The following MYBPC1 variants were observed in gnomAD, a reference collection of about 807,000 sequenced individuals.
MYBPC1 encodes the protein myosin binding protein C1, also known as myosin-binding protein C, slow-type.
MYBPC1 carries 52 observed loss-of-function variants against 147.1 expected under a neutral mutation model. That is an observed-to-expected ratio of 0.35 (90% CI 0.28 to 0.45). The LOEUF is 0.45. Ranked by LOEUF, MYBPC1 falls within the 20% of genes least tolerant of loss-of-function variation. MYBPC1 has a pLI of 1.00. For missense variants in MYBPC1, 1,228 were observed against 1,440.3 expected (o/e 0.85, Z 2.39); for synonymous variants, 477 against 475.9 (o/e 1.00, Z -0.03).
intron 20 of MYBPC1, among the ~76,000 whole-genome samples, chr12:101,661,916 G>GAAAGAAAGAAAGA (rs34570818): frequency 0.71 from 88,057 of 124,544 alleles, 31,933 homozygotes; most frequent in Admixed American, 0.82. Flanking sequence ...AAAAAAAAAA[G>GAAAGAAAGAAAGA]AAAGAAAAAA....
chr12:101,686,296 G>A (rs1466431690), downstream of MYBPC1, among the ~76,000 whole-genome samples: 1 of 152,228 alleles, frequency 6.6e-6, no homozygotes, highest in African/African-American at 2.4e-5. Context: ...ACACAAAACT[G>A]AGGCTAAAGG....
intron 3 of MYBPC1, among the ~76,000 whole-genome samples, chr12:101,618,919 A>C (rs1337140613): frequency 1.4e-5 from 2 of 146,782 alleles, no homozygotes; most frequent in Admixed American, 1.4e-4. Context: ...TATAATGGCA[A>C]ATACATGTAT....
At chr12:101,611,569 G>GT (rs1884280144) in intron 1 of MYBPC1, among the ~76,000 whole-genome samples, 1 of 152,144 alleles carries the variant, frequency 6.6e-6, no homozygotes, top group Admixed American at 6.5e-5. Context: ...TAATTCTTTT[G>GT]TATCAATTCT....
Position 101,673,480 on chromosome 12 carries a change from G to A in MYBPC1, c.2667G>A (p.Lys889=). Residue 889 remains lysine (K), a synonymous_variant, in exon 25 of 32, where the codon AAG becomes AAA. Transcript: ENST00000361466. ...TWKKDGAEID[K]NQINIRNSET... is the part of the protein sequence containing the mutation. ...AGAAGGATGGTGCAGAAATTGATAA[G>A]AATCAAATAAACATTCGCAACTCTG... is the stretch of plus-strand genomic sequence containing the variant. 6.2e-7 allele frequency: 1 copy of A among 1,613,786 alleles called. No individual in the cohort carries two copies. Among genetic ancestry groups the A allele is most frequent in the Non-Finnish European group, 8.5e-7 (1 of 1,179,978 alleles).
In MYBPC1 at chr12:101,659,554, T is replaced by C. The variant is rs1408226793; in HGVS notation, c.1768-118T>C. 1.3e-5 allele frequency: 14 copies of C among 1,053,768 alleles called. 1 individual carries two copies. In the Admixed American group the frequency reaches 2.6e-4, roughly 20 times the overall value. The allele number at this position is 1,053,768 out of a possible 1,614,324, so 65.3% of individuals were successfully genotyped here. A position where few individuals can be genotyped will look rare whatever the true frequency, so the allele number is the denominator to read the frequency against. On this transcript the variant is annotated intron_variant, in intron 18 of 31. Transcript: ENST00000361466. Reference sequence around the variant, plus strand: ...ACACTATATAGTCCACCAAATACACTATATAATCTATACACTATACACTCT... The same window carrying C: ...ACACTATATAGTCCACCAAATACACCATATAATCTATACACTATACACTCT...
intron 1 of MYBPC1, chr12:101,600,603 A>C (rs1879514255): frequency 6.6e-6 from 1 of 152,204 alleles, no homozygotes. Context: ...AGTCCAAGGA[A>C]GCATTTTTGT....
rs1387793716 is a variant in MYBPC1, at chr12:101,684,398, AT to A, written c.3514del (p.Ter1172GlufsTer24). On this transcript the variant is annotated frameshift_variant, in exon 31 of 32. Coordinates refer to ENST00000361466, the MANE Select transcript of MYBPC1 (RefSeq NM_002465.4). LOFTEE classifies it high-confidence loss of function. ...TTTCCTTAGTCATTGCACAATAAGG[AT>A]TTTTGAATGTATAATATCATCTAAG... ...EGQQQSLHNK[D>X]F The A allele has an allele frequency of 2.5e-6, 4 of 1,589,060 alleles. No homozygotes were observed. Among genetic ancestry groups the A allele is most frequent in the Non-Finnish European group, 3.4e-6 (4 of 1,165,260 alleles).
rs78173516 is a variant in MYBPC1, at chr12:101,594,978, C to A, written c.-93C>A. 1 of 1,236,870 alleles carries A rather than the reference C, an allele frequency of 8.1e-7. No homozygotes were observed. The highest frequency in any genetic ancestry group is 1.2e-6 in the Non-Finnish European group (1 of 848,914). 76.6% of individuals were successfully genotyped at this position (1,236,870 alleles called of 1,614,324 possible). A position where few individuals can be genotyped will look rare whatever the true frequency, so the allele number is the denominator to read the frequency against. On this transcript the variant is annotated 5_prime_UTR_variant, in exon 1 of 32. Coordinates refer to ENST00000361466, the MANE Select transcript of MYBPC1 (RefSeq NM_002465.4). ...GTTTCTCCCCAACTGCTTGTCACAC[C>A]GACCTGCACCATCTCTCGCCTGCCT...
intron 24 of MYBPC1, among the ~76,000 whole-genome samples, chr12:101,671,327 A>ACACACACT (rs1555252574): frequency 1.4e-4 from 14 of 103,326 alleles, no homozygotes; most frequent in South Asian, 6.8e-4. Flanking sequence ...ACACACACAC[A>ACACACACT]CACACACACA....
At chr12:101,643,423 A>G (rs1892464746) in intron 11 of MYBPC1, among the ~76,000 whole-genome samples, 1 of 152,184 alleles carries the variant, frequency 6.6e-6, no homozygotes, top group Non-Finnish European at 1.5e-5. Flanking sequence ...GAGCCAGCTG[A>G]CATCTCTTTT....
chr12:101,601,972 A>G (rs767532294), intron 1 of MYBPC1, among the ~76,000 whole-genome samples: 7 of 152,194 alleles, frequency 4.6e-5, no homozygotes, highest in African/African-American at 7.2e-5. Context: ...TGCACACAGT[A>G]TGTGTCTTGG....
chr12:101,609,584 C>A (rs1212092673), intron 1 of MYBPC1, among the ~76,000 whole-genome samples: 3 of 152,134 alleles, frequency 2.0e-5, no homozygotes, highest in Non-Finnish European at 2.9e-5. Flanking sequence ...ATGAACCCTA[C>A]TGCTGCAGAC....
intron 20 of MYBPC1, 148 bp downstream of exon 20, chr12:101,661,410 T>C: frequency 1.6e-6 from 1 of 637,656 alleles, no homozygotes; most frequent in Non-Finnish European, 2.9e-6. Context: ...ATATATATGT[T>C]GAGATGCTCT....
At chr12:101,618,805 A>G (rs1382677877) in intron 3 of MYBPC1, among the ~76,000 whole-genome samples, 1 of 151,942 alleles carries the variant, frequency 6.6e-6, no homozygotes, top group Non-Finnish European at 1.5e-5. Context: ...TGCAGAAGAT[A>G]AGCAAAACCA....
At chr12:101,647,983 C>T in intron 13 of MYBPC1, 62 bp from the exon 14 acceptor site, 1 of 1,348,426 alleles carries the variant, frequency 7.4e-7, no homozygotes, top group Non-Finnish European at 1.1e-6. Context: ...GTGAAGAAAT[C>T]AGGGCTCATG....
rs185865360 is a variant in MYBPC1 at position 101,609,603 on chromosome 12, T to A, written c.26-4893T>A. Reference sequence around the variant, plus strand: ...ACCCTACTGCTGCAGACTCCAAGAGTCAGAATCTGCAGTTTGATCAGATCC... The same window carrying A: ...ACCCTACTGCTGCAGACTCCAAGAGACAGAATCTGCAGTTTGATCAGATCC... On this transcript the variant is annotated intron_variant, in intron 1 of 31. Transcript: ENST00000361466. 2.0e-5 allele frequency among the ~76,000 whole-genome samples: 3 copies of A among 152,006 alleles called. No individual in the cohort carries two copies. In the East Asian group the frequency reaches 5.8e-4, roughly 29 times the overall value.
In MYBPC1 at chr12:101,648,332, C is replaced by T. The variant is rs844066; in HGVS notation, c.1196+182C>T. ...TACTGGGGTTTTTCCACTCATGAGACTGAAAAAAGAACCAGAGATCTATGT... is the reference window on the plus strand; with the variant it reads ...TACTGGGGTTTTTCCACTCATGAGATTGAAAAAAGAACCAGAGATCTATGT... On this transcript the variant is annotated intron_variant, in intron 14 of 31. Transcript: ENST00000361466. 0.086 allele frequency among the ~76,000 whole-genome samples: 13,118 copies of T among 152,100 alleles called. 828 individuals carry two copies. Among genetic ancestry groups the T allele is most frequent in the African/African-American group, 0.18 (7,466 of 41,456 alleles).
intron 25 of MYBPC1, among the ~76,000 whole-genome samples, chr12:101,674,623 C>G (rs556135971): frequency 6.6e-6 from 1 of 151,974 alleles, no homozygotes; most frequent in East Asian, 1.9e-4. Flanking sequence ...AATACCAGCA[C>G]TTTGGGAGGT....
In MYBPC1 at chr12:101,632,167, G is replaced by A. The variant is rs1295187680; in HGVS notation, c.556+29G>A. 1.2e-5 allele frequency: 18 copies of A among 1,483,704 alleles called. No homozygotes were observed. The South Asian group carries it at 1.9e-4, about 16-fold the overall frequency. 91.9% of individuals were successfully genotyped at this position (1,483,704 alleles called of 1,614,324 possible). A position where few individuals can be genotyped will look rare whatever the true frequency, so the allele number is the denominator to read the frequency against. On this transcript the variant is annotated intron_variant, in intron 8 of 31. Coordinates refer to ENST00000361466, the MANE Select transcript of MYBPC1 (RefSeq NM_002465.4). Reference sequence around the variant, plus strand: ...AGAGAGCCTTCTTGCCTAGATAAATGTAATTTTTTAATGGGGTGTGAGGGG... The same window carrying A: ...AGAGAGCCTTCTTGCCTAGATAAATATAATTTTTTAATGGGGTGTGAGGGG...
Sources: allele counts gnomAD v4.1 joint callset (sites outside exome capture counted in the v4.1 genomes callset), GRCh38; gene constraint gnomAD v4.1.1; transcripts MANE v1.5; gene names NCBI Gene and HGNC (gene_info 2026-07-23, HGNC 2026-07-21).